The following KCMF1 variants were observed in gnomAD, a reference collection of about 807,000 sequenced individuals.
KCMF1 encodes potassium channel modulatory factor 1.
A neutral mutation model predicts 41.1 loss-of-function variants in KCMF1; 3 were observed. The ratio of observed to expected loss-of-function variants is 0.07; its 90% CI spans 0.03 to 0.19. KCMF1 has a LOEUF of 0.19. Ranked by LOEUF, KCMF1 falls within the 10% of genes least tolerant of loss-of-function variation. The pLI, the probability that KCMF1 is intolerant of heterozygous loss-of-function variation, is 1.00. For missense variants in KCMF1, 286 were observed against 488.9 expected, an observed-to-expected ratio of 0.58 and a Z score of 3.91; for synonymous variants, 142 against 164.5, an observed-to-expected ratio of 0.86 and a Z score of 1.04.
At chr2:84,980,586 C>T (rs1413098783) in intron 1 of KCMF1, among the ~76,000 whole-genome samples, 1 of 151,836 alleles carries the variant, frequency 6.6e-6, no homozygotes, top group Non-Finnish European at 1.5e-5. Context: ...TGAGTTGTAG[C>T]AAAGTAGAAT....
At chr2:85,002,628 A>G (rs768801529) in intron 1 of KCMF1, among the ~76,000 whole-genome samples, 8 of 149,186 alleles carry the variant, frequency 5.4e-5, no homozygotes, top group Admixed American at 6.7e-5. Context: ...TTTTTTTTTC[A>G]CTAATATCCC....
At chr2:85,042,120 A>G (rs541240122) in intron 3 of KCMF1, among the ~76,000 whole-genome samples, 6 of 152,274 alleles carry the variant, frequency 3.9e-5, no homozygotes, top group Admixed American at 3.9e-4. Context: ...ATCACATTCC[A>G]TTGTGACCTG....
intron 1 of KCMF1, among the ~76,000 whole-genome samples, chr2:84,986,797 G>C (rs557311610): frequency 2.0e-5 from 3 of 152,088 alleles, no homozygotes; most frequent in Admixed American, 6.5e-5. Context: ...CAGGAGACTC[G>C]CTTGAACCCG....
intron 1 of KCMF1, among the ~76,000 whole-genome samples, chr2:85,025,903 T>C (rs1675091647): frequency 6.6e-6 from 1 of 152,178 alleles, no homozygotes; most frequent in Admixed American, 6.5e-5. Context: ...TCTAATAACT[T>C]AGCTGTATTT....
At chr2:85,047,945 CA>C (rs1675711418) in intron 5 of KCMF1, among the ~76,000 whole-genome samples, 1 of 152,086 alleles carries the variant, frequency 6.6e-6, no homozygotes, top group Admixed American at 6.6e-5. Flanking sequence ...GAGGAGACAG[CA>C]GACACTGGGG....
At position 85,054,960 on chromosome 2, in the gene KCMF1, A is replaced by G. The variant is rs1052272835; in HGVS notation, c.*1551A>G. ...GTTCATCCAAATGTAACCAAAAAAGAAGTCACCCTACATGTCTGAAAAACT... is the reference window on the plus strand; with the variant it reads ...GTTCATCCAAATGTAACCAAAAAAGGAGTCACCCTACATGTCTGAAAAACT... On this transcript the variant is annotated 3_prime_UTR_variant, in exon 7 of 7. Transcript: ENST00000409785. The G allele has an allele frequency of 6.6e-6, 1 of 152,212 alleles. No individual in the cohort carries two copies. Among genetic ancestry groups the G allele is most frequent in the African/African-American group, 2.4e-5 (1 of 41,460 alleles). The allele number at this position is 152,212 out of a possible 1,614,324, so 9.4% of individuals were successfully genotyped here.
At position 85,056,520 on chromosome 2, in the gene KCMF1, G is replaced by A. The variant is rs1161637734; in HGVS notation, c.*3111G>A. 6.6e-6 allele frequency: 1 copy of A among 152,150 alleles called. No homozygotes were observed. Among genetic ancestry groups the A allele is most frequent in the African/African-American group, 2.4e-5 (1 of 41,438 alleles). The allele number at this position is 152,150 out of a possible 1,614,324, so 9.4% of individuals were successfully genotyped here. On this transcript the variant is annotated 3_prime_UTR_variant, in exon 7 of 7. Transcript: ENST00000409785. Reference sequence around the variant, plus strand: ...TAACGCTTTATATATTTACTCCATGGATGTTGGGGTAAGCACATATATCAA... The same window carrying A: ...TAACGCTTTATATATTTACTCCATGAATGTTGGGGTAAGCACATATATCAA...
At chr2:85,008,381 T>TATGATATATATTATATATCATATGA (rs369479422) in intron 1 of KCMF1, among the ~76,000 whole-genome samples, 25 of 19,068 alleles carry the variant, frequency 1.3e-3, no homozygotes, top group African/African-American at 2.5e-3. Flanking sequence ...ATATGATATA[T>TATGATATATATTATATATCATATGA]TATATATGAT....
chr2:85,041,632 C>G (rs777745443), intron 3 of KCMF1, among the ~76,000 whole-genome samples: 3 of 152,214 alleles, frequency 2.0e-5, no homozygotes, highest in South Asian at 2.1e-4. Context: ...TCTTATACAG[C>G]CTTATAATAT....
chr2:85,019,745 T>TAC (rs758780682), intron 1 of KCMF1, among the ~76,000 whole-genome samples: 131 of 151,000 alleles, frequency 8.7e-4, no homozygotes, highest in Non-Finnish European at 1.3e-3. Context: ...TGTATATATA[T>TAC]GTATATATGT....
Position 84,971,404 on chromosome 2 carries a change from C to G in KCMF1, c.-48C>G. ...CAGCGCCGGGACCCCGCGGGGGACACTGCAGCCGGAGCCCGGGAGGGGCCG... is the reference window on the plus strand; with the variant it reads ...CAGCGCCGGGACCCCGCGGGGGACAGTGCAGCCGGAGCCCGGGAGGGGCCG... On this transcript the variant is annotated 5_prime_UTR_variant, in exon 1 of 7. Coordinates refer to ENST00000409785, the MANE Select transcript of KCMF1 (RefSeq NM_020122.5). 8.5e-7 allele frequency: 1 copy of G among 1,176,050 alleles called. No homozygotes were observed. The highest frequency in any genetic ancestry group is 2.5e-5 in the South Asian group (1 of 39,984). The allele number at this position is 1,176,050 out of a possible 1,614,324, so 72.9% of individuals were successfully genotyped here.
At chr2:84,996,436 T>G (rs893215365) in intron 1 of KCMF1, among the ~76,000 whole-genome samples, 14 of 146,696 alleles carry the variant, frequency 9.5e-5, no homozygotes, top group Non-Finnish European at 1.7e-4. Context: ...TAAGATTTTT[T>G]TTTTTTTTTT....
chr2:85,002,482 C>T (rs1033785449), intron 1 of KCMF1, among the ~76,000 whole-genome samples: 1 of 152,018 alleles, frequency 6.6e-6, no homozygotes, highest in Non-Finnish European at 1.5e-5. Context: ...TAGAGACTTC[C>T]CATATATTCC....
At chr2:85,032,363 A>C (rs1413715362) in intron 2 of KCMF1, among the ~76,000 whole-genome samples, 2 of 143,228 alleles carry the variant, frequency 1.4e-5, no homozygotes, top group African/African-American at 5.5e-5. Flanking sequence ...TTTTTATTTT[A>C]TTTTATTTTT....
At chr2:84,982,928 T>C (rs368521034) in intron 1 of KCMF1, among the ~76,000 whole-genome samples, 13 of 152,220 alleles carry the variant, frequency 8.5e-5, no homozygotes, top group African/African-American at 3.1e-4. Context: ...TTTTCTCTTC[T>C]CTAGGAAAAC....
intron 1 of KCMF1, among the ~76,000 whole-genome samples, chr2:84,998,997 TCCAC>T (rs1302955263): frequency 1.6e-5 from 2 of 127,874 alleles, no homozygotes; most frequent in Non-Finnish European, 3.3e-5. Context: ...TACCTATCTG[TCCAC>T]CCACCCACCC....
chr2:85,006,685 T>G lies in KCMF1; in HGVS notation c.17-21204T>G, dbSNP rs143232029. Among the ~76,000 whole-genome samples, 194 of 152,296 alleles carry G rather than the reference T, an allele frequency of 1.3e-3. 2 individuals carry two copies. Among genetic ancestry groups the G allele is most frequent in the African/African-American group, 4.5e-3 (189 of 41,556 alleles). On this transcript the variant is annotated intron_variant, in intron 1 of 6. Transcript: ENST00000409785. ...TAAAGACATATGGCCAGCCAGTTCT[T>G]TTCTTTGAGAATGGAATTTTTATGT...
chr2:84,973,627 A>G (rs563982364), intron 1 of KCMF1, among the ~76,000 whole-genome samples: 62 of 152,286 alleles, frequency 4.1e-4, no homozygotes, highest in African/African-American at 1.4e-3. Context: ...CACGAATCAC[A>G]TTTAACTCAT....
rs1054867201 is a variant in KCMF1, at chr2:85,058,775, CAG to C, written c.*5369_*5370del. The C allele has an allele frequency of 6.6e-6, 1 of 152,194 alleles. No individual in the cohort carries two copies. Among genetic ancestry groups the C allele is most frequent in the African/African-American group, 2.4e-5 (1 of 41,452 alleles). 9.4% of individuals were successfully genotyped at this position (152,194 alleles called of 1,614,324 possible). A position where few individuals can be genotyped will look rare whatever the true frequency, so the allele number is the denominator to read the frequency against. On this transcript the variant is annotated 3_prime_UTR_variant, in exon 7 of 7. Transcript: ENST00000409785. ...GCGTTTGGTCAGTCACGTGACCAAT[CAG>C]AGCTGGTGAGTGAGCTGCTCCCTTA... is the stretch of plus-strand genomic sequence containing the variant.
Sources: allele counts gnomAD v4.1 joint callset (sites outside exome capture counted in the v4.1 genomes callset), GRCh38; gene constraint gnomAD v4.1.1; transcripts MANE v1.5; gene names NCBI Gene and HGNC (gene_info 2026-07-23, HGNC 2026-07-21).